The following SNX31 variants were observed in gnomAD, a reference collection of about 807,000 sequenced individuals.
The protein encoded by SNX31 is sorting nexin 31, also known as sorting nexin-31.
In SNX31, 58 loss-of-function variants were observed where a neutral mutation model predicts 65.4. The observed-to-expected ratio is 0.89, with a 90% confidence interval of 0.72 to 1.10. The LOEUF (loss-of-function observed/expected upper bound fraction) is 1.10. Among genes scored for constraint, SNX31 ranks in the 50% least tolerant of loss-of-function variants. SNX31 has a pLI of 0.00. For missense variants in SNX31, 523 were observed against 529.7 expected (o/e 0.99, Z 0.12); for synonymous variants, 181 against 190.1 (o/e 0.95, Z 0.39).
chr8:100,649,022 G>A (rs1002114343), intron 2 of SNX31, among the ~76,000 whole-genome samples: 1 of 152,206 alleles, frequency 6.6e-6, no homozygotes, highest in Non-Finnish European at 1.5e-5. Flanking sequence ...AACTGCGAGG[G>A]GCTTGGAAGA....
rs749016668 is a variant in SNX31 at position 100,614,506 on chromosome 8, AATG to A, written c.433-1424_433-1422del. ...AATATTTTTCCTCTTAGCAAATGTT[AATG>A]ATGATTCAAAACACGAACGCCATCA... On this transcript the variant is annotated intron_variant, in intron 5 of 13. Coordinates refer to ENST00000311812, the MANE Select transcript of SNX31 (RefSeq NM_152628.4). The surrounding 1 kb of genome is among the most constrained non-coding windows in gnomAD (Gnocchi z 5.1). 3.9e-5 allele frequency among the ~76,000 whole-genome samples: 6 copies of A among 152,180 alleles called. No individual in the cohort carries two copies. The highest frequency in any genetic ancestry group is 1.3e-4 in the Admixed American group (2 of 15,280).
upstream of SNX31, among the ~76,000 whole-genome samples, chr8:100,651,831 T>C (rs1033538323): frequency 1.3e-5 from 2 of 152,222 alleles, no homozygotes; most frequent in African/African-American, 2.4e-5. Flanking sequence ...ATGAAGAAAC[T>C]TGCTCTGAAT....
At chr8:100,651,243 C>T (rs1185137239), upstream of SNX31, among the ~76,000 whole-genome samples, 7 of 152,186 alleles carry the variant, frequency 4.6e-5, no homozygotes, top group African/African-American at 7.2e-5. Flanking sequence ...TAGGGTATTT[C>T]CCCTGCCCAT....
intron 2 of SNX31, among the ~76,000 whole-genome samples, chr8:100,641,625 C>CAT (rs368399829): frequency 0.019 from 928 of 48,732 alleles, 6 homozygotes; most frequent in East Asian, 0.047. Context: ...CACACACGCG[C>CAT]ATATATATAT....
intron 9 of SNX31, among the ~76,000 whole-genome samples, chr8:100,599,764 G>A (rs1815443456): frequency 6.6e-6 from 1 of 152,092 alleles, no homozygotes; most frequent in African/African-American, 2.4e-5. Context: ...AGACACATTC[G>A]CTGCTTGGGG....
intron 12 of SNX31, among the ~76,000 whole-genome samples, chr8:100,581,327 ATC>A (rs760344967): frequency 0.29 from 37,732 of 132,152 alleles, 5,423 homozygotes; most frequent in African/African-American, 0.32. Context: ...ATCTATATCT[ATC>A]TATCTATCTA....
Position 100,661,007 on chromosome 8 carries a change from A to ATT in SNX31, c.-58+2133_-58+2134dup, listed in dbSNP as rs10641759. On this transcript the variant is annotated intron_variant, in intron 1 of 5. Coordinates refer to the SNX31 transcript ENST00000520352. ...CTACCTGCCAGAAAAGCAGGTCGAT[A>ATT]TTTTTTTTTTTTTTTTGAGACAGGG... Among the ~76,000 whole-genome samples, 142 of 140,566 alleles carry ATT rather than the reference A, an allele frequency of 1.0e-3. 3 individuals carry two copies. The highest frequency in any genetic ancestry group is 1.5e-3 in the African/African-American group (57 of 37,430). 92.2% of individuals were successfully genotyped at this position (140,566 alleles called of 152,430 possible).
rs1378560678 is a variant in SNX31 at position 100,575,562 on chromosome 8, C to G, written c.1227+1457G>C. ...AGTTGTGCTGAGTGTTATCTGTTGTCCTAGGACAGTGGCTCTCAAACTTGA... is the reference window on the plus strand; with the variant it reads ...AGTTGTGCTGAGTGTTATCTGTTGTGCTAGGACAGTGGCTCTCAAACTTGA... On this transcript the variant is annotated intron_variant, in intron 13 of 13. Transcript: ENST00000311812. This position sits in a 1 kb window ranked among gnomAD's most constrained non-coding sequence, Gnocchi z 5.1. Among the ~76,000 whole-genome samples, 1 of 152,120 alleles carries G rather than the reference C, an allele frequency of 6.6e-6. No individual in the cohort carries two copies. The highest frequency in any genetic ancestry group is 2.4e-5 in the African/African-American group (1 of 41,410).
intron 1 of SNX31, among the ~76,000 whole-genome samples, chr8:100,657,355 G>A (rs1820067756): frequency 6.6e-6 from 1 of 151,990 alleles, no homozygotes; most frequent in South Asian, 2.1e-4. Context: ...AGGAGGCTGA[G>A]GCAGGAGAAT....
At chr8:100,631,909 A>G (rs77422481) in intron 3 of SNX31, among the ~76,000 whole-genome samples, 1,656 of 152,332 alleles carry the variant, frequency 0.011, 11 homozygotes, top group Non-Finnish European at 0.017. Flanking sequence ...TATTCACCCA[A>G]CTGGTATTTA....
rs534215763 is a variant in SNX31, at chr8:100,618,876, G to A, written c.322-1146C>T. On this transcript the variant is annotated intron_variant, in intron 4 of 13. Coordinates refer to ENST00000311812, the MANE Select transcript of SNX31 (RefSeq NM_152628.4). ...CCATTGCTTAGGGGGGTTGTTTATG[G>A]AGGTGCCGTTATGGAAGCTCCTCAA... 3.9e-5 allele frequency: 6 copies of A among 155,090 alleles called. No individual in the cohort carries two copies. The South Asian group carries it at 1.0e-3, about 26-fold the overall frequency. The allele number at this position is 155,090 out of a possible 1,614,324, so 9.6% of individuals were successfully genotyped here. A position where few individuals can be genotyped will look rare whatever the true frequency, so the allele number is the denominator to read the frequency against.
intron 2 of SNX31, among the ~76,000 whole-genome samples, chr8:100,643,108 T>C (rs890829122): frequency 1.1e-5 from 1 of 88,784 alleles, no homozygotes; most frequent in Non-Finnish European, 2.0e-5. Context: ...GGAGAATCAC[T>C]TGAACTTGGG....
At chr8:100,577,190 C>A (rs1276165579) in intron 12 of SNX31, 115 bp from the exon 13 acceptor site, 2 of 870,614 alleles carry the variant, frequency 2.3e-6, no homozygotes, top group African/African-American at 3.4e-5. Context: ...GTCCCAAAGG[C>A]TGCCGGTCAG....
intron 12 of SNX31, among the ~76,000 whole-genome samples, chr8:100,579,402 A>G (rs1346059569): frequency 6.6e-6 from 1 of 152,190 alleles, no homozygotes; most frequent in African/African-American, 2.4e-5. Flanking sequence ...TTTTTCATCA[A>G]TAGAGTGGTT....
chr8:100,611,538 A>C (rs1379898506), intron 7 of SNX31, among the ~76,000 whole-genome samples: 2 of 151,454 alleles, frequency 1.3e-5, no homozygotes, highest in African/African-American at 4.9e-5. Context: ...AGTTTATTTC[A>C]CCCTCTCTCA....
Position 100,578,260 on chromosome 8 carries a change from A to T in SNX31, c.1171-1185T>A, listed in dbSNP as rs1384104355. Among the ~76,000 whole-genome samples the T allele has an allele frequency of 1.3e-5, 2 of 151,892 alleles. No individual in the cohort carries two copies. The highest frequency in any genetic ancestry group is 2.9e-5 in the Non-Finnish European group (2 of 67,990). Reference sequence around the variant, plus strand: ...GGCTTTTTGGGGAAAGAGTTCTTAGACTCTTCTTAATGGGAAAGAAAAGAA... The same window carrying T: ...GGCTTTTTGGGGAAAGAGTTCTTAGTCTCTTCTTAATGGGAAAGAAAAGAA... On this transcript the variant is annotated intron_variant, in intron 12 of 13. Transcript: ENST00000311812. The surrounding 1 kb of genome is among the most constrained non-coding windows in gnomAD (Gnocchi z 4.7).
intron 10 of SNX31, among the ~76,000 whole-genome samples, chr8:100,593,118 A>T (rs533600492): frequency 6.6e-6 from 1 of 152,136 alleles, no homozygotes; most frequent in South Asian, 2.1e-4. Context: ...TGGCTGCACA[A>T]CTCTGTGAAT....
chr8:100,580,418 A>G (rs1455362368), intron 12 of SNX31, among the ~76,000 whole-genome samples: 3 of 152,078 alleles, frequency 2.0e-5, no homozygotes, highest in Non-Finnish European at 4.4e-5. Context: ...TAGTAATTAC[A>G]CCCAGTTTTA....
rs375805473 is a variant in SNX31, at chr8:100,647,367, G to C, written c.141+1907C>G. Among the ~76,000 whole-genome samples, 279 of 152,254 alleles carry C rather than the reference G, an allele frequency of 1.8e-3. 1 individual carries two copies. The highest frequency in any genetic ancestry group is 6.4e-3 in the African/African-American group (266 of 41,540). ...TTAAAGGCCCCAATAGTAAATAACA[G>C]ACAATTTCTACTTCATGTCTTACCA... On this transcript the variant is annotated intron_variant, in intron 2 of 13. Coordinates refer to ENST00000311812, the MANE Select transcript of SNX31 (RefSeq NM_152628.4).
Sources: gnomAD v4.1 joint callset for allele counts (sites outside exome capture counted in the v4.1 genomes callset) on GRCh38, gnomAD v4.1.1 for gene constraint, Gnocchi (gnomAD v3.1) non-coding constraint, MANE v1.5 for transcripts, NCBI Gene and HGNC (gene_info 2026-07-23, HGNC 2026-07-21) for gene names.